Variants in TNR observed in about 807,000 individuals in gnomAD.
The protein encoded by TNR is tenascin-R.
A neutral mutation model predicts 150.4 loss-of-function variants in TNR; 45 were observed. The observed-to-expected ratio is 0.30, with a 90% CI of 0.24 to 0.38. The LOEUF (loss-of-function observed/expected upper bound fraction) is 0.38. TNR is among the 10% of genes least tolerant of loss of function. TNR has a pLI of 1.00. For missense variants in TNR, 1,544 were observed against 1,759.1 expected (o/e 0.88, Z 2.19); for synonymous variants, 687 against 678.4 (o/e 1.01, Z -0.20).
chr1:175,686,297 T>C lies in TNR; in HGVS notation c.-165+56929A>G, dbSNP rs886853902. The stretch of plus-strand genomic sequence containing the variant: ...ATGGTGTACCACCTATCACTCCTGC[T>C]TCTTCAATCATCTTGGAAAATCTAA... On this transcript the variant is annotated intron_variant, in intron 1 of 22. Coordinates refer to ENST00000367674, the MANE Select transcript of TNR (RefSeq NM_003285.3). 1.2e-4 allele frequency among the ~76,000 whole-genome samples: 19 copies of C among 152,364 alleles called. 1 individual carries two copies. The highest frequency in any genetic ancestry group is 1.2e-3 in the Admixed American group (18 of 15,308).
chr1:175,464,380 A>C (rs1656941099), intron 2 of TNR, among the ~76,000 whole-genome samples: 1 of 152,234 alleles, frequency 6.6e-6, no homozygotes, highest in Non-Finnish European at 1.5e-5. Flanking sequence ...AAGCCCATTA[A>C]TAAAGACAAT....
chr1:175,717,863 C>T (rs77174221), intron 1 of TNR, among the ~76,000 whole-genome samples: 1 of 152,190 alleles, frequency 6.6e-6, no homozygotes, highest in African/African-American at 2.4e-5. Context: ...CACACACACA[C>T]ACAGCTAATA....
In TNR at chr1:175,681,969, G is replaced by A. The variant is rs1226585506; in HGVS notation, c.-165+61257C>T. ...AAGAAAGGAGCTGCGACTCATGCAGGAGACACAGCCAGCTTGAGAGCAGTG... is the reference window on the plus strand; with the variant it reads ...AAGAAAGGAGCTGCGACTCATGCAGAAGACACAGCCAGCTTGAGAGCAGTG... On this transcript the variant is annotated intron_variant, in intron 1 of 22. Transcript: ENST00000367674. 3.3e-5 allele frequency among the ~76,000 whole-genome samples: 5 copies of A among 152,136 alleles called. No homozygotes were observed. The East Asian group carries it at 9.6e-4, about 29-fold the overall frequency.
chr1:175,422,268 T>C (rs1316577653), intron 2 of TNR, among the ~76,000 whole-genome samples: 1 of 152,198 alleles, frequency 6.6e-6, no homozygotes, highest in Non-Finnish European at 1.5e-5. Flanking sequence ...TGCAGAGCTG[T>C]TTGTTTTCCC....
At chr1:175,571,156 C>T (rs1316732746) in intron 1 of TNR, among the ~76,000 whole-genome samples, 3 of 152,186 alleles carry the variant, frequency 2.0e-5, no homozygotes, top group Admixed American at 2.0e-4. Flanking sequence ...ATCCTGGAGT[C>T]CCATGACCTT....
chr1:175,738,125 G>T (rs192847119), intron 1 of TNR, among the ~76,000 whole-genome samples: 1 of 152,236 alleles, frequency 6.6e-6, no homozygotes, highest in African/African-American at 2.4e-5. Flanking sequence ...CCTCCAAGAA[G>T]CCACCTGCTT....
At chr1:175,348,122 GA>G (rs1487893951) in intron 18 of TNR, among the ~76,000 whole-genome samples, 3 of 151,918 alleles carry the variant, frequency 2.0e-5, no homozygotes, top group African/African-American at 7.3e-5. Context: ...TAACCAACTA[GA>G]AAATATATAT....
intron 1 of TNR, among the ~76,000 whole-genome samples, chr1:175,567,103 C>A (rs888909440): frequency 1.3e-5 from 2 of 152,152 alleles, no homozygotes; most frequent in African/African-American, 4.8e-5. Flanking sequence ...ACAGTGGTTA[C>A]CCTTTTATTA....
intron 1 of TNR, among the ~76,000 whole-genome samples, chr1:175,698,472 C>T (rs991342279): frequency 2.0e-5 from 3 of 151,992 alleles, no homozygotes; most frequent in Non-Finnish European, 4.4e-5. Context: ...AGGAGACCAG[C>T]GGGCAGGGGC....
At chr1:175,463,940 GC>G (rs1335168173) in intron 2 of TNR, among the ~76,000 whole-genome samples, 5 of 152,326 alleles carry the variant, frequency 3.3e-5, no homozygotes, top group Admixed American at 6.5e-5. Flanking sequence ...AAAGCAGAAG[GC>G]TGCCAAGGAG....
At chr1:175,394,238 A>G (rs1653315445) in intron 5 of TNR, among the ~76,000 whole-genome samples, 1 of 152,220 alleles carries the variant, frequency 6.6e-6, no homozygotes, top group African/African-American at 2.4e-5. Context: ...TATATAGTAC[A>G]GTGCCTTTTT....
chr1:175,698,349 G>A (rs1051374616), intron 1 of TNR, among the ~76,000 whole-genome samples: 3 of 152,188 alleles, frequency 2.0e-5, no homozygotes, highest in Non-Finnish European at 4.4e-5. Flanking sequence ...AGGTGACACC[G>A]AAGAGCAGAC....
rs1368309847 is a variant in TNR at position 175,331,101 on chromosome 1, C to CTT, written c.3632-867_3632-866insAA. Among the ~76,000 whole-genome samples the CTT allele has an allele frequency of 2.3e-4, 23 of 98,208 alleles. 1 individual carries two copies. Among genetic ancestry groups the CTT allele is most frequent in the African/African-American group, 5.2e-4 (12 of 23,294 alleles). The allele number at this position is 98,208 out of a possible 152,430, so 64.4% of individuals were successfully genotyped here. On this transcript the variant is annotated intron_variant, in intron 20 of 22. Coordinates refer to ENST00000367674, the MANE Select transcript of TNR (RefSeq NM_003285.3). ...TCCTTCTTTCTTTCTTTCTTTCTTT[C>CTT]TCTCTCTCTTTCTTTTCTTTCTTTC...
rs757472943 is a variant in TNR at position 175,335,767 on chromosome 1, C to T, written c.3575G>A (p.Arg1192Gln). 17 of 1,613,746 alleles carry T rather than the reference C, an allele frequency of 1.1e-5. No individual in the cohort carries two copies. Among genetic ancestry groups the T allele is most frequent in the Admixed American group, 1.7e-5 (1 of 59,972 alleles). The change falls in exon 20 of 23, where the codon CGG (arginine) becomes CAG (glutamine). Residue 1192 changes from arginine to glutamine, a missense_variant. Arg to Gln is a conservative substitution (Grantham distance 43). This residue lies in a region of TNR where 290 missense variants were observed against 429.7 expected (regional missense o/e 0.67). Transcript: ENST00000367674. ...RRQNGQTDFF[R>Q]KWADYRVGFG... ...GCCAACACGGTAATCAGCCCATTTC[C>T]GGAAAAAATCAGTTTGGCCATTCTG...
intron 2 of TNR, among the ~76,000 whole-genome samples, chr1:175,417,030 A>AGAAAGAAAGAAG (rs1654507695): frequency 1.0e-5 from 1 of 96,976 alleles, no homozygotes; most frequent in Admixed American, 1.1e-4. Context: ...AAAGAAAGAA[A>AGAAAGAAAGAAG]GAAAGAAAGA....
intron 15 of TNR, among the ~76,000 whole-genome samples, chr1:175,356,954 A>G (rs1651361299): frequency 1.3e-5 from 2 of 152,224 alleles, no homozygotes; most frequent in South Asian, 2.1e-4. Context: ...GTACTGACCA[A>G]TGAAATAAAC....
intron 1 of TNR, among the ~76,000 whole-genome samples, chr1:175,541,812 T>C (rs934779789): frequency 1.3e-5 from 2 of 152,160 alleles, no homozygotes; most frequent in South Asian, 4.1e-4. Flanking sequence ...TGGTAAAGTC[T>C]CTCTAAGCTT....
At chr1:175,629,278 G>A (rs1430026250) in intron 1 of TNR, among the ~76,000 whole-genome samples, 1 of 152,188 alleles carries the variant, frequency 6.6e-6, no homozygotes, top group Non-Finnish European at 1.5e-5. Flanking sequence ...CAGGATCTCA[G>A]GGGAAACCAG....
chr1:175,737,761 T>C (rs143611014), intron 1 of TNR, among the ~76,000 whole-genome samples: 150 of 152,288 alleles, frequency 9.8e-4, no homozygotes, highest in Middle Eastern at 6.8e-3. Context: ...AGAAGCCAAG[T>C]TGGGGTGCCC....
Sources: allele counts gnomAD v4.1 joint callset (sites outside exome capture counted in the v4.1 genomes callset), GRCh38; gene constraint gnomAD v4.1.1; regional missense constraint gnomAD v4.1.1; transcripts MANE v1.5; gene names NCBI Gene and HGNC (gene_info 2026-07-23, HGNC 2026-07-21).